The following NAV3 variants were observed in gnomAD, a reference collection of about 807,000 sequenced individuals.
NAV3 encodes pore membrane and/or filament interacting like protein 1.
NAV3 carries 87 observed loss-of-function variants against 244.7 expected under a neutral mutation model. That is an observed-to-expected ratio of 0.36 (90% CI 0.30 to 0.42). The LOEUF is 0.42. NAV3 is among the 20% of genes least tolerant of loss of function. NAV3 has a pLI of 1.00. For missense variants in NAV3, 2,663 were observed against 2,893.3 expected, an observed-to-expected ratio of 0.92 and a Z score of 1.83; for synonymous variants, 1,126 against 1,042.2, an observed-to-expected ratio of 1.08 and a Z score of -1.55.
intron 9 of NAV3, among the ~76,000 whole-genome samples, chr12:78,044,626 C>T (rs1881450438): frequency 6.6e-6 from 1 of 151,956 alleles, no homozygotes. Flanking sequence ...GTTTGTAGTT[C>T]TTTTTGAAGA....
Position 78,050,046 on chromosome 12 carries a change from A to C in NAV3, c.2077A>C (p.Arg693=). 6.2e-7 allele frequency: 1 copy of C among 1,613,414 alleles called. No individual in the cohort carries two copies. Among genetic ancestry groups the C allele is most frequent in the Non-Finnish European group, 8.5e-7 (1 of 1,179,758 alleles). The change falls in exon 10 of 40, where the codon AGG becomes CGG. Residue 693 remains arginine, a synonymous_variant. Transcript: ENST00000397909. ...AACAGTTAAAAACATAGCAGACTTG[A>C]GGCAGAATTTAGAAGAGACTATGTC... ...MRTVKNIADL[R]QNLEETMSSL...
intron 3 of NAV3, among the ~76,000 whole-genome samples, chr12:77,949,497 T>C (rs564888551): frequency 6.6e-6 from 1 of 152,054 alleles, no homozygotes; most frequent in South Asian, 2.1e-4. Flanking sequence ...TTTTTCCTTC[T>C]CCTCCTCCTC....
chr12:78,016,751 G>C (rs1406350856), intron 8 of NAV3, among the ~76,000 whole-genome samples: 5 of 152,056 alleles, frequency 3.3e-5, no homozygotes, highest in Non-Finnish European at 7.4e-5. Context: ...GGATCCACAG[G>C]GGGAAATATT....
Position 78,197,365 on chromosome 12 carries a change from T to C in NAV3, c.6410T>C (p.Ile2137Thr). ...NLHHVGSLSD[I>T]FNGFLNCKYN... ...CATCATGTGGGCTCTCTGAGTGATA[T>C]CTTCAATGGTTTTCTCAATTGTAAA... Residue 2137 changes from isoleucine (I) to threonine (T), a missense_variant, in exon 35 of 40, where the codon ATC (isoleucine) becomes ACC (threonine). Ile to Thr is a moderately conservative substitution (Grantham distance 89). Coordinates refer to ENST00000397909, the MANE Select transcript of NAV3 (RefSeq NM_001024383.2). The C allele has an allele frequency of 6.2e-7, 1 of 1,603,036 alleles. No homozygotes were observed. The highest frequency in any genetic ancestry group is 1.1e-5 in the South Asian group (1 of 88,910).
intron 39 of NAV3, among the ~76,000 whole-genome samples, chr12:78,205,351 A>T (rs570173833): frequency 6.6e-6 from 1 of 152,166 alleles, no homozygotes; most frequent in African/African-American, 2.4e-5. Flanking sequence ...TGCTACAACC[A>T]GAATGAACTC....
At chr12:77,851,154 A>C (rs4556589) in intron 1 of NAV3, among the ~76,000 whole-genome samples, 62,394 of 151,984 alleles carry the variant, frequency 0.41, 14,290 homozygotes, top group East Asian at 0.5. Context: ...AGTGGGGCAC[A>C]AATTCTTTCA....
intron 2 of NAV3, among the ~76,000 whole-genome samples, chr12:77,742,340 G>A (rs1188920865): frequency 1.3e-5 from 2 of 152,002 alleles, no homozygotes; most frequent in Non-Finnish European, 2.9e-5. Flanking sequence ...TTTGCTGGTG[G>A]CAATGTAAAG....
At chr12:77,669,012 A>T (rs1873843181) in intron 2 of NAV3, among the ~76,000 whole-genome samples, 1 of 152,196 alleles carries the variant, frequency 6.6e-6, no homozygotes, top group Admixed American at 6.5e-5. Context: ...CTTAAACGAA[A>T]CAATTATCAG....
intron 12 of NAV3, among the ~76,000 whole-genome samples, chr12:78,095,045 T>TTATATATA (rs368659738): frequency 7.3e-4 from 90 of 123,878 alleles, no homozygotes; most frequent in African/African-American, 2.4e-3. Context: ...CCATATCAAA[T>TTATATATA]TATATATATA....
rs1272047631 is a variant in NAV3, at chr12:77,924,551, T to G, written c.244-15768T>G. ...GAAGTGTATCCCCGCTTGGGTCAAC[T>G]CTTCACAAAAAGTAGTTTTTGCACA... On this transcript the variant is annotated intron_variant, in intron 1 of 39. Coordinates refer to ENST00000397909, the MANE Select transcript of NAV3 (RefSeq NM_001024383.2). Among the ~76,000 whole-genome samples the G allele has an allele frequency of 9.9e-5, 15 of 152,232 alleles. No homozygotes were observed. The East Asian group carries it at 2.7e-3, about 27-fold the overall frequency.
chr12:78,176,475 G>A lies in NAV3; in HGVS notation c.5124+16G>A. 1 of 1,612,034 alleles carries A rather than the reference G, an allele frequency of 6.2e-7. No individual in the cohort carries two copies. The highest frequency in any genetic ancestry group is 2.2e-5 in the East Asian group (1 of 44,574). On this transcript the variant is annotated intron_variant, in intron 26 of 39. Transcript: ENST00000397909. ...AGGAAGTGAGGTGAATATAAACCGTGGACAATTTGGCATGCATCTATAAAA... is the reference window on the plus strand; with the variant it reads ...AGGAAGTGAGGTGAATATAAACCGTAGACAATTTGGCATGCATCTATAAAA...
At chr12:77,714,845 T>C (rs1402931462) in intron 2 of NAV3, among the ~76,000 whole-genome samples, 1 of 152,118 alleles carries the variant, frequency 6.6e-6, no homozygotes, top group Non-Finnish European at 1.5e-5. Flanking sequence ...AAAAAGTACA[T>C]AAGTATTATT....
intron 12 of NAV3, among the ~76,000 whole-genome samples, chr12:78,079,315 G>A (rs1953227990): frequency 6.6e-6 from 1 of 151,720 alleles, no homozygotes; most frequent in South Asian, 2.1e-4. Context: ...GAAATGCCTT[G>A]GAAAAAAATA....
chr12:77,917,828 C>T (rs928129669), intron 1 of NAV3, among the ~76,000 whole-genome samples: 1 of 152,022 alleles, frequency 6.6e-6, no homozygotes. Flanking sequence ...AAATTAAATA[C>T]TTTCTATTTA....
intron 1 of NAV3, among the ~76,000 whole-genome samples, chr12:77,895,215 ATAGAG>A (rs1884437318): frequency 6.6e-6 from 1 of 152,162 alleles, no homozygotes; most frequent in Admixed American, 6.5e-5. Flanking sequence ...TTCAATATGA[ATAGAG>A]TAATCAACAA....
In NAV3 at chr12:78,137,103, C is replaced by G. The variant is rs1956405351; in HGVS notation, c.4442-74C>G. 5 of 1,371,168 alleles carry G rather than the reference C, an allele frequency of 3.6e-6. No homozygotes were observed. In the East Asian group the frequency reaches 1.2e-4, roughly 32 times the overall value. 84.9% of individuals were successfully genotyped at this position (1,371,168 alleles called of 1,614,324 possible). On this transcript the variant is annotated intron_variant, in intron 18 of 39. Coordinates refer to ENST00000397909, the MANE Select transcript of NAV3 (RefSeq NM_001024383.2). ...TTTTCATAAGTATTGGGATCATGTT[C>G]TTACTTTCTATCAACCTGCTATTTT...
intron 18 of NAV3, among the ~76,000 whole-genome samples, chr12:78,136,875 A>G (rs537334108): frequency 1.2e-4 from 18 of 152,192 alleles, no homozygotes; most frequent in Non-Finnish European, 2.5e-4. Flanking sequence ...TTTCTTCATA[A>G]CAGGTAGCAG....
intron 9 of NAV3, among the ~76,000 whole-genome samples, chr12:78,043,108 C>CGGTGTGTG (rs1881169026): frequency 1.3e-5 from 2 of 152,048 alleles, no homozygotes; most frequent in African/African-American, 4.8e-5. Flanking sequence ...CAACAGGCCC[C>CGGTGTGTG]GGTGTGTGAT....
intron 2 of NAV3, among the ~76,000 whole-genome samples, chr12:77,789,090 A>T (rs866880460): frequency 8.5e-5 from 13 of 152,114 alleles, no homozygotes; most frequent in Admixed American, 7.9e-4. Flanking sequence ...TTTCCATTCA[A>T]TTGCTTCTGC....
Sources: allele counts gnomAD v4.1 joint callset (sites outside exome capture counted in the v4.1 genomes callset), GRCh38; gene constraint gnomAD v4.1.1; transcripts MANE v1.5; gene names NCBI Gene and HGNC (gene_info 2026-07-23, HGNC 2026-07-21).